CBX1: variants seen among roughly 807,000 people sequenced by gnomAD.
CBX1 encodes chromobox 1, also known as chromobox protein homolog 1.
A neutral mutation model predicts 25.1 loss-of-function variants in CBX1; 10 were observed. The observed-to-expected ratio is 0.40, with a 90% CI of 0.25 to 0.68. CBX1 has a LOEUF of 0.68. Among genes scored for constraint, CBX1 ranks in the 30% least tolerant of loss-of-function variants. The probability of loss-of-function intolerance (pLI) is 0.40; values close to 1 mark genes in which losing one functional copy is unlikely to be tolerated. For synonymous variants in CBX1, 63 were observed against 79.4 expected (o/e 0.79, Z 1.10); for missense variants, 106 against 218.5 (o/e 0.49, Z 3.25).
chr17:48,070,594 A>C lies in CBX1; in HGVS notation c.*841T>G, dbSNP rs1226499680. ...ATATTTATAACTTCGTTACTGGAAA[A>C]GAAAGGGTCTTCTAATTTCGGGAAT... On this transcript the variant is annotated 3_prime_UTR_variant, in exon 5 of 5. Coordinates refer to ENST00000225603, the MANE Select transcript of CBX1 (RefSeq NM_001127228.2). The C allele has an allele frequency of 6.5e-6, 1 of 152,678 alleles. No homozygotes were observed. The highest frequency in any genetic ancestry group is 1.5e-5 in the Non-Finnish European group (1 of 68,056). The allele number at this position is 152,678 out of a possible 1,614,324, so 9.5% of individuals were successfully genotyped here.
intron 1 of CBX1, among the ~76,000 whole-genome samples, chr17:48,084,679 G>C (rs1409173438): frequency 6.7e-6 from 1 of 149,514 alleles, no homozygotes; most frequent in Admixed American, 6.6e-5. Context: ...GGGAGGCTGA[G>C]GTGGGTGGAT....
At chr17:48,086,847 G>C (rs1387589912) in intron 1 of CBX1, among the ~76,000 whole-genome samples, 2 of 151,918 alleles carry the variant, frequency 1.3e-5, no homozygotes, top group East Asian at 1.9e-4. Flanking sequence ...GGGCTATAGA[G>C]TGAGACTTCG....
chr17:48,099,555 A>G (rs190369434), intron 1 of CBX1, among the ~76,000 whole-genome samples: 43 of 152,264 alleles, frequency 2.8e-4, no homozygotes, highest in Admixed American at 1.2e-3. Flanking sequence ...GTGCTTTTCA[A>G]TCACACCACT....
At chr17:48,081,000 T>G (rs192463952) in intron 1 of CBX1, among the ~76,000 whole-genome samples, 138 of 89,330 alleles carry the variant, frequency 1.5e-3, no homozygotes, top group African/African-American at 5.7e-3. Context: ...ATATAAAATT[T>G]GTCTTAGAAA....
chr17:48,099,528 C>T (rs1166346817), intron 1 of CBX1, among the ~76,000 whole-genome samples: 2 of 152,278 alleles, frequency 1.3e-5, no homozygotes, highest in African/African-American at 4.8e-5. Flanking sequence ...ATTAAGGTGC[C>T]ACCGGTTTCA....
intron 1 of CBX1, among the ~76,000 whole-genome samples, chr17:48,099,292 G>C (rs2063394169): frequency 6.6e-6 from 1 of 152,170 alleles, no homozygotes; most frequent in South Asian, 2.1e-4. Flanking sequence ...AGTAGAGACA[G>C]GGTTTCACCA....
intron 1 of CBX1, among the ~76,000 whole-genome samples, chr17:48,092,489 T>G (rs1268067490): frequency 1.4e-5 from 2 of 146,238 alleles, no homozygotes; most frequent in Non-Finnish European, 3.0e-5. Context: ...TGAGAGGGAG[T>G]CTTGCTCTGT....
chr17:48,093,848 G>A (rs1486306784), intron 1 of CBX1, among the ~76,000 whole-genome samples: 1 of 152,124 alleles, frequency 6.6e-6, no homozygotes, highest in Non-Finnish European at 1.5e-5. Context: ...GGCCCGGCAT[G>A]GTGACTCACG....
chr17:48,091,088 A>C (rs1276945278), intron 1 of CBX1, among the ~76,000 whole-genome samples: 2 of 152,284 alleles, frequency 1.3e-5, no homozygotes, highest in Non-Finnish European at 2.9e-5. Context: ...AGCCAAAATA[A>C]GAAAAGCACT....
At position 48,076,849 on chromosome 17, in the gene CBX1, T is replaced by TGTCA. The variant is rs761121969; in HGVS notation, c.140+12_140+15dup. 6 of 1,605,608 alleles carry TGTCA rather than the reference T, an allele frequency of 3.7e-6. No individual in the cohort carries two copies. Among genetic ancestry groups the TGTCA allele is most frequent in the Non-Finnish European group, 4.2e-6 (5 of 1,176,638 alleles). Reference sequence around the variant, plus strand: ...AACACGTGGTGGCTACATTTACCTGTGTCAGTGAAACTTACTCTGAGAATC... The same window carrying TGTCA: ...AACACGTGGTGGCTACATTTACCTGTGTCAGTCAGTGAAACTTACTCTGAGAATC... On this transcript the variant is annotated intron_variant, in intron 2 of 4. Transcript: ENST00000225603.
chr17:48,092,969 C>G (rs1212349838), intron 1 of CBX1, among the ~76,000 whole-genome samples: 9 of 150,164 alleles, frequency 6.0e-5, no homozygotes, highest in African/African-American at 1.2e-4. Flanking sequence ...ACTCGGGAGG[C>G]TGAGGCAGGA....
intron 1 of CBX1, among the ~76,000 whole-genome samples, chr17:48,091,535 C>CTTTTTTTT (rs4053473): frequency 4.2e-5 from 3 of 72,188 alleles, no homozygotes; most frequent in South Asian, 6.2e-4. Flanking sequence ...CCACCATGCC[C>CTTTTTTTT]TTTTTTTTTT....
chr17:48,080,586 TA>T (rs1444246359), intron 1 of CBX1, among the ~76,000 whole-genome samples: 1 of 151,748 alleles, frequency 6.6e-6, no homozygotes, highest in East Asian at 1.9e-4. Context: ...TTAAGTTTTC[TA>T]AACACTGTAA....
chr17:48,095,046 C>CA lies in CBX1; in HGVS notation c.-38+6221dup, dbSNP rs1025809572. 2.1e-3 allele frequency among the ~76,000 whole-genome samples: 283 copies of CA among 137,020 alleles called. 1 individual carries two copies. Among genetic ancestry groups the CA allele is most frequent in the African/African-American group, 5.2e-3 (193 of 37,234 alleles). The allele number at this position is 137,020 out of a possible 152,430, so 89.9% of individuals were successfully genotyped here. A position where few individuals can be genotyped will look rare whatever the true frequency, so the allele number is the denominator to read the frequency against. On this transcript the variant is annotated intron_variant, in intron 1 of 4. Coordinates refer to ENST00000225603, the MANE Select transcript of CBX1 (RefSeq NM_001127228.2). ...TCAGTGACAGAGCAAGACTCTGCCTCAAAAAAAAAAAGAAAGAAAAAAGAA... is the reference window on the plus strand; with the variant it reads ...TCAGTGACAGAGCAAGACTCTGCCTCAAAAAAAAAAAAGAAAGAAAAAAGAA...
rs950760772 is a variant in CBX1, at chr17:48,070,249, T to A, written c.*1186A>T. ...GACAGAGCATTTTGGGTATGTTACT[T>A]ATTAGGATTTCTTAAAAAATTGTTT... On this transcript the variant is annotated 3_prime_UTR_variant, in exon 5 of 5. Coordinates refer to ENST00000225603, the MANE Select transcript of CBX1 (RefSeq NM_001127228.2). 23 of 152,746 alleles carry A rather than the reference T, an allele frequency of 1.5e-4. No individual in the cohort carries two copies. The highest frequency in any genetic ancestry group is 5.5e-4 in the African/African-American group (23 of 41,572). 9.5% of individuals were successfully genotyped at this position (152,746 alleles called of 1,614,324 possible).
In CBX1 at chr17:48,099,697, T is replaced by C. The variant is rs545542219; in HGVS notation, c.-38+1571A>G. ...ACTGCTGATGTGACTCTTAACACAA[T>C]TGAGGAGGCTACTTTACCCTGGGCT... On this transcript the variant is annotated intron_variant, in intron 1 of 4. Transcript: ENST00000225603. 5.3e-5 allele frequency among the ~76,000 whole-genome samples: 8 copies of C among 152,324 alleles called. No homozygotes were observed. In the South Asian group the frequency reaches 8.3e-4, roughly 16 times the overall value.
In CBX1 at chr17:48,101,442, C is replaced by T. The variant is rs1371985192; in HGVS notation, c.-212G>A. 1 of 985,532 alleles carries T rather than the reference C, an allele frequency of 1.0e-6. No homozygotes were observed. Among genetic ancestry groups the T allele is most frequent in the Admixed American group, 6.1e-5 (1 of 16,276 alleles). 61.0% of individuals were successfully genotyped at this position (985,532 alleles called of 1,614,324 possible). On this transcript the variant is annotated 5_prime_UTR_variant, in exon 1 of 5. Coordinates refer to ENST00000225603, the MANE Select transcript of CBX1 (RefSeq NM_001127228.2). ...GCCAACGGCCCTCCCCTCAGCCGAACAAAAGAGCCTCGCAGTCTGCGCTGC... is the reference window on the plus strand; with the variant it reads ...GCCAACGGCCCTCCCCTCAGCCGAATAAAAGAGCCTCGCAGTCTGCGCTGC...
chr17:48,082,238 C>T (rs1021305929), intron 1 of CBX1, among the ~76,000 whole-genome samples: 3 of 151,702 alleles, frequency 2.0e-5, no homozygotes, highest in Non-Finnish European at 4.4e-5. Flanking sequence ...CGTGGTGGCT[C>T]ACACCTGTAA....
At chr17:48,094,968 A>G (rs904535730) in intron 1 of CBX1, among the ~76,000 whole-genome samples, 4 of 150,418 alleles carry the variant, frequency 2.7e-5, no homozygotes, top group Admixed American at 2.7e-4. Context: ...AATTACTTGA[A>G]CCAGGCAGGC....
Sources: allele counts gnomAD v4.1 joint callset (sites outside exome capture counted in the v4.1 genomes callset), GRCh38; gene constraint gnomAD v4.1.1; transcripts MANE v1.5; gene names NCBI Gene and HGNC (gene_info 2026-07-23, HGNC 2026-07-21).